The following PROCR variants were observed in gnomAD, a reference collection of about 807,000 sequenced individuals.
PROCR encodes endothelial protein C receptor.
Under a neutral mutation model 24.2 loss-of-function variants are expected in PROCR, and 22 were observed. The ratio of observed to expected loss-of-function variants is 0.91; its 90% CI spans 0.65 to 1.30. The LOEUF (loss-of-function observed/expected upper bound fraction) is 1.30, where lower values mean the gene tolerates loss of function less well. Ranked by LOEUF, PROCR falls within the 50% of genes most tolerant of loss-of-function variation. The pLI, the probability that PROCR is intolerant of heterozygous loss-of-function variation, is 0.00. For missense variants in PROCR, 288 were observed against 307.7 expected (o/e 0.94, Z 0.48); for synonymous variants, 137 against 139.2 (o/e 0.98, Z 0.11).
At chr20:35,214,469 A>C (rs1220055536) in intron 1 of PROCR, among the ~76,000 whole-genome samples, 1 of 152,002 alleles carries the variant, frequency 6.6e-6, no homozygotes, top group East Asian at 1.9e-4. Flanking sequence ...GGTGGATCAC[A>C]AGGTCAGGAG....
At chr20:35,194,395 T>C (rs1274081318) in intron 1 of PROCR, among the ~76,000 whole-genome samples, 2 of 152,174 alleles carry the variant, frequency 1.3e-5, no homozygotes, top group Admixed American at 1.3e-4. Context: ...AGTATGTTTG[T>C]ACACTTACAG....
At chr20:35,195,705 C>G (rs914367845) in intron 1 of PROCR, among the ~76,000 whole-genome samples, 1 of 151,158 alleles carries the variant, frequency 6.6e-6, no homozygotes, top group Non-Finnish European at 1.5e-5. Flanking sequence ...CCTATAATCC[C>G]AGCTACTCGG....
upstream of PROCR, among the ~76,000 whole-genome samples, chr20:35,171,419 T>G (rs1015467715): frequency 3.3e-5 from 5 of 152,224 alleles, no homozygotes; most frequent in Non-Finnish European, 5.9e-5. Context: ...TTGATTTCAT[T>G]GTCCACTAAT....
At chr20:35,171,418 T>C (rs2085949674), upstream of PROCR, among the ~76,000 whole-genome samples, 1 of 152,212 alleles carries the variant, frequency 6.6e-6, no homozygotes, top group Non-Finnish European at 1.5e-5. Flanking sequence ...ATTGATTTCA[T>C]TGTCCACTAA....
At chr20:35,178,408 T>TC (rs1404697224), downstream of PROCR, among the ~76,000 whole-genome samples, 6 of 75,708 alleles carry the variant, frequency 7.9e-5, no homozygotes, top group Non-Finnish European at 1.2e-4. Context: ...TTTTTTTTTT[T>TC]AATTCTAAAA....
At chr20:35,189,595 C>T (rs1031411587) in intron 1 of PROCR, among the ~76,000 whole-genome samples, 2 of 152,164 alleles carry the variant, frequency 1.3e-5, no homozygotes, top group African/African-American at 2.4e-5. Context: ...CGTACACTCC[C>T]TCCCCTTTGA....
Position 35,174,740 on chromosome 20 carries a change from C to T in PROCR, c.109C>T (p.Arg37Cys), listed in dbSNP as rs1335119169. The T allele has an allele frequency of 1.2e-6, 2 of 1,614,112 alleles. No individual in the cohort carries two copies. Among genetic ancestry groups the T allele is most frequent in the East Asian group, 2.2e-5 (1 of 44,876 alleles). ...TCATATGCTCCAGATCTCCTACTTC[C>T]GCGACCCCTATCACGTGTGGTACCA... ...RLHMLQISYFRDPYHVWYQGN... is the reference protein window; with the variant it reads ...RLHMLQISYFCDPYHVWYQGN... The change falls in exon 2 of 4, where the codon CGC (arginine) becomes TGC (cysteine). Residue 37 changes from arginine to cysteine, a missense_variant. Arg to Cys is a radical substitution (Grantham distance 180). Transcript: ENST00000216968.
chr20:35,171,757 G>A (rs748807428), upstream of PROCR, among the ~76,000 whole-genome samples: 14 of 152,028 alleles, frequency 9.2e-5, no homozygotes, highest in Admixed American at 1.3e-4. Flanking sequence ...CTACTCCCAG[G>A]AGTGTGCTCT....
intron 1 of PROCR, among the ~76,000 whole-genome samples, chr20:35,205,589 T>C (rs1468439587): frequency 6.7e-6 from 1 of 148,708 alleles, no homozygotes; most frequent in African/African-American, 2.5e-5. Context: ...TCGTCTCCAC[T>C]AAAAATACAA....
chr20:35,208,456 A>T (rs1399294071), intron 1 of PROCR, among the ~76,000 whole-genome samples: 1 of 152,186 alleles, frequency 6.6e-6, no homozygotes, highest in Non-Finnish European at 1.5e-5. Flanking sequence ...AGGGAAGGAG[A>T]CTTAACCCTG....
chr20:35,211,256 A>T (rs184233903), intron 1 of PROCR, among the ~76,000 whole-genome samples: 1 of 152,354 alleles, frequency 6.6e-6, no homozygotes, highest in East Asian at 1.9e-4. Flanking sequence ...GGGTTCCTGG[A>T]ACCTGGCACT....
At chr20:35,196,345 G>A (rs2086216918) in intron 1 of PROCR, among the ~76,000 whole-genome samples, 1 of 151,956 alleles carries the variant, frequency 6.6e-6, no homozygotes, top group South Asian at 2.1e-4. Flanking sequence ...TCATAAATTT[G>A]GTTAAAGATA....
chr20:35,212,121 CTT>C (rs889367800), intron 1 of PROCR, among the ~76,000 whole-genome samples: 3 of 152,052 alleles, frequency 2.0e-5, no homozygotes, highest in Non-Finnish European at 4.4e-5. Flanking sequence ...CTTTGTAAGA[CTT>C]TGAGTAAGAA....
chr20:35,213,445 C>A (rs1002358244), intron 1 of PROCR, among the ~76,000 whole-genome samples: 1 of 151,724 alleles, frequency 6.6e-6, no homozygotes, highest in South Asian at 2.1e-4. Flanking sequence ...AGCTGTTTTA[C>A]GTTAAAAAAA....
chr20:35,189,699 A>G (rs1194940551), intron 1 of PROCR, among the ~76,000 whole-genome samples: 1 of 151,852 alleles, frequency 6.6e-6, no homozygotes, highest in Non-Finnish European at 1.5e-5. Flanking sequence ...CAGCTTTAAA[A>G]TTTCTCTCTT....
intron 1 of PROCR, among the ~76,000 whole-genome samples, chr20:35,192,461 C>T (rs2086181309): frequency 6.6e-6 from 1 of 152,166 alleles, no homozygotes; most frequent in African/African-American, 2.4e-5. Context: ...TGGACTGCTT[C>T]TGTGTTTCTT....
chr20:35,203,702 G>C (rs1023714134), intron 1 of PROCR, among the ~76,000 whole-genome samples: 3 of 152,018 alleles, frequency 2.0e-5, no homozygotes, highest in African/African-American at 7.2e-5. Context: ...ATGGGTCAGA[G>C]AAAAAATCTT....
intron 1 of PROCR, among the ~76,000 whole-genome samples, chr20:35,211,612 G>C (rs562999635): frequency 1.5e-4 from 23 of 152,260 alleles, no homozygotes; most frequent in Middle Eastern, 6.8e-3. Context: ...CCATGTGCTA[G>C]GTAATGTATG....
At chr20:35,194,506 A>C (rs2086199749) in intron 1 of PROCR, among the ~76,000 whole-genome samples, 1 of 152,190 alleles carries the variant, frequency 6.6e-6, no homozygotes, top group South Asian at 2.1e-4. Flanking sequence ...TTAGACTCCA[A>C]GGCACAAATG....
Sources: allele counts gnomAD v4.1 joint callset (sites outside exome capture counted in the v4.1 genomes callset), GRCh38; gene constraint gnomAD v4.1.1; transcripts MANE v1.5; gene names NCBI Gene and HGNC (gene_info 2026-07-23, HGNC 2026-07-21).